Variants in SRP72 observed in about 807,000 individuals in gnomAD.
SRP72 encodes signal recognition particle subunit SRP72.
Under a neutral mutation model 96.3 loss-of-function variants are expected in SRP72, and 49 were observed. That is an observed-to-expected ratio of 0.51 (90% CI 0.40 to 0.65). SRP72 has a LOEUF of 0.65. SRP72 is among the 30% of genes least tolerant of loss of function. The pLI is 0.00. For missense variants in SRP72, 736 were observed against 793.3 expected, an observed-to-expected ratio of 0.93 and a Z score of 0.87; for synonymous variants, 267 against 275.2, an observed-to-expected ratio of 0.97 and a Z score of 0.30.
At chr4:56,494,739 A>C (rs1457377656) in intron 16 of SRP72, among the ~76,000 whole-genome samples, 1 of 152,068 alleles carries the variant, frequency 6.6e-6, no homozygotes, top group African/African-American at 2.4e-5. Context: ...TTGAAGTGTT[A>C]ATTTTTATGC....
intron 17 of SRP72, among the ~76,000 whole-genome samples, chr4:56,495,646 A>G (rs962439312): frequency 6.6e-6 from 1 of 152,202 alleles, no homozygotes; most frequent in African/African-American, 2.4e-5. Context: ...TACCTGCCAG[A>G]GTTTTTCATA....
chr4:56,474,036 T>A lies in SRP72; in HGVS notation c.355-18T>A, dbSNP rs776932521. On this transcript the variant is annotated intron_variant, in intron 3 of 18. Transcript: ENST00000642900. ...ACCATATTTGTCTCTGATTTTTTAC[T>A]TGCTATTTATTATTCAGTTATACCG... The A allele has an allele frequency of 1.9e-6, 3 of 1,598,708 alleles. No individual in the cohort carries two copies. The South Asian group carries it at 3.4e-5, about 18-fold the overall frequency.
rs934210566 is a variant in SRP72, at chr4:56,486,358, G to A, written c.1120G>A (p.Glu374Lys). 2 of 1,605,832 alleles carry A rather than the reference G, an allele frequency of 1.2e-6. No homozygotes were observed. The highest frequency in any genetic ancestry group is 1.7e-5 in the Admixed American group (1 of 59,626). Residue 374 changes from glutamate (E) to lysine (K), a missense_variant, in exon 11 of 19, where the codon GAA becomes AAA. Glu to Lys is a moderately conservative substitution (Grantham distance 56, BLOSUM62 1). Around this residue, in one of 3 missense-constraint regions of SRP72, gnomAD observed 388 missense variants for 431.8 expected, o/e 0.90. Coordinates refer to ENST00000642900, the MANE Select transcript of SRP72 (RefSeq NM_006947.4). The stretch of plus-strand genomic sequence containing the variant: ...AGATCAGCATCCAGAAAATGCAGCT[G>A]AAATTAAGCTGACCATGGCACAGTT... The part of the protein sequence containing the change: ...FSDQHPENAA[E>K]IKLTMAQLKI...
intron 11 of SRP72, among the ~76,000 whole-genome samples, chr4:56,486,743 G>C (rs777710959): frequency 6.6e-6 from 1 of 152,092 alleles, no homozygotes; most frequent in East Asian, 1.9e-4. Context: ...ATATTTGTAC[G>C]ACTACTTTGC....
Position 56,467,976 on chromosome 4 carries a change from C to G in SRP72, c.109+232C>G, listed in dbSNP as rs66858948. 0.19 allele frequency among the ~76,000 whole-genome samples: 28,988 copies of G among 152,260 alleles called. 3,187 individuals carry two copies. The highest frequency in any genetic ancestry group is 0.35 in the Admixed American group (5,338 of 15,296). ...GTTGCTTACAGCCACGTGTACTTCT[C>G]TTTTTACCCTCCGCGGGAAGCGAGG... On this transcript the variant is annotated intron_variant, in intron 1 of 18. Transcript: ENST00000642900.
intron 17 of SRP72, among the ~76,000 whole-genome samples, chr4:56,498,692 A>G (rs558423796): frequency 6.6e-6 from 1 of 152,306 alleles, no homozygotes; most frequent in Admixed American, 6.5e-5. Flanking sequence ...AGAATAAAAT[A>G]CCTAGGCATA....
chr4:56,495,915 G>C (rs1721061390), intron 17 of SRP72, among the ~76,000 whole-genome samples: 1 of 152,174 alleles, frequency 6.6e-6, no homozygotes, highest in African/African-American at 2.4e-5. Flanking sequence ...AATCCCATTA[G>C]AGTCATATGA....
chr4:56,468,425 T>C (rs997290529), intron 1 of SRP72, among the ~76,000 whole-genome samples: 1 of 152,204 alleles, frequency 6.6e-6, no homozygotes, highest in Admixed American at 6.5e-5. Flanking sequence ...TTTTACCGCC[T>C]TTGGTGTGAG....
At chr4:56,490,753 ATCC>A in intron 15 of SRP72, 108 bp downstream of exon 15, 1 of 949,954 alleles carries the variant, frequency 1.1e-6, no homozygotes, top group Non-Finnish European at 1.6e-6. Flanking sequence ...CAACTAACAA[ATCC>A]TCCTTTTAAC....
In SRP72 at chr4:56,469,705, C is replaced by T; in HGVS notation, c.162C>T (p.Cys54=). 1 of 1,612,622 alleles carries T rather than the reference C, an allele frequency of 6.2e-7. No individual in the cohort carries two copies. The change falls in exon 2 of 19, where the codon TGC becomes TGT. Residue 54 remains cysteine, a synonymous_variant. Coordinates refer to ENST00000642900, the MANE Select transcript of SRP72 (RefSeq NM_006947.4). ...CTGCCCTGCATTGTAAAGTGGTATG[C>T]CTTATCCAGAATGGAAGTTTCAAGG... ...DVTALHCKVV[C]LIQNGSFKEA... is the part of the protein sequence containing the mutation.
At chr4:56,482,888 T>G (rs1187507482) in intron 8 of SRP72, among the ~76,000 whole-genome samples, 1 of 152,192 alleles carries the variant, frequency 6.6e-6, no homozygotes, top group Non-Finnish European at 1.5e-5. Context: ...GAGAAGGCTT[T>G]AAAAGGAGTG....
rs746409282 is a variant in SRP72 at position 56,469,749 on chromosome 4, A to G, written c.206A>G (p.Asn69Ser). Residue 69 changes from asparagine to serine, a missense_variant, in exon 2 of 19, where the codon AAT becomes AGT. Asn to Ser is a conservative substitution (Grantham distance 46). Coordinates refer to ENST00000642900, the MANE Select transcript of SRP72 (RefSeq NM_006947.4). Reference sequence around the variant, plus strand: ...TTCAAGGAAGCTTTGAATGTCATCAATACTCACACCAAAGTGTTAGCCAAG... The same window carrying G: ...TTCAAGGAAGCTTTGAATGTCATCAGTACTCACACCAAAGTGTTAGCCAAG... Reference protein sequence around the residue: ...GSFKEALNVINTHTKVLANNS... With the variant: ...GSFKEALNVISTHTKVLANNS... 5 of 1,611,280 alleles carry G rather than the reference A, an allele frequency of 3.1e-6. No individual in the cohort carries two copies. Among genetic ancestry groups the G allele is most frequent in the African/African-American group, 1.3e-5 (1 of 74,910 alleles).
intron 2 of SRP72, among the ~76,000 whole-genome samples, chr4:56,470,632 T>C (rs1043700087): frequency 6.6e-6 from 1 of 152,176 alleles, no homozygotes; most frequent in Non-Finnish European, 1.5e-5. Flanking sequence ...TCTTTTTCTT[T>C]TTATATTTGA....
At position 56,490,428 on chromosome 4, in the gene SRP72, G is replaced by A. The variant is rs1440520135; in HGVS notation, c.1416G>A (p.Gln472=). ...AGGAGGCAATTAGTGACCTACAACA[G>A]CTGTGGAAGTAAGCTCTGAAACGTG... ...RKKEAISDLQ[Q]LWKQNPKDIH... The change falls in exon 14 of 19, where the codon CAG becomes CAA. Residue 472 remains glutamine, a synonymous_variant. Transcript: ENST00000642900. 1.2e-6 allele frequency: 2 copies of A among 1,613,608 alleles called. No homozygotes were observed. Among genetic ancestry groups the A allele is most frequent in the Admixed American group, 1.7e-5 (1 of 59,918 alleles).
At chr4:56,495,003 T>C (rs1349603335) in intron 16 of SRP72, among the ~76,000 whole-genome samples, 1 of 152,210 alleles carries the variant, frequency 6.6e-6, no homozygotes, top group Admixed American at 6.5e-5. Flanking sequence ...TTCTCTAAAG[T>C]CTTGCCAAAC....
intron 12 of SRP72, 36 bp from the exon 13 acceptor site, chr4:56,489,351 AG>A (rs1400173117): frequency 2.4e-6 from 3 of 1,240,718 alleles, no homozygotes; most frequent in Admixed American, 2.0e-5. Context: ...CTGGGAGTGA[AG>A]GGGGAGTTCA....
At chr4:56,490,271 A>T in intron 13 of SRP72, 62 bp from the exon 14 acceptor site, 1 of 1,309,950 alleles carries the variant, frequency 7.6e-7, no homozygotes, top group Non-Finnish European at 1.1e-6. Context: ...AATGAATATA[A>T]CTGCATGCAC....
chr4:56,475,026 G>A (rs1013738699), intron 5 of SRP72, among the ~76,000 whole-genome samples: 2 of 152,090 alleles, frequency 1.3e-5, no homozygotes, highest in African/African-American at 4.8e-5. Flanking sequence ...TTAGAGAACT[G>A]TGTCAGGTAT....
chr4:56,474,799 C>T (rs1053319900), intron 5 of SRP72, among the ~76,000 whole-genome samples: 2 of 152,172 alleles, frequency 1.3e-5, no homozygotes, highest in Non-Finnish European at 2.9e-5. Context: ...ATTCTTGTGC[C>T]TCAGCCTCCC....
Sources: allele counts gnomAD v4.1 joint callset (sites outside exome capture counted in the v4.1 genomes callset), GRCh38; gene constraint gnomAD v4.1.1; regional missense constraint gnomAD v4.1.1; transcripts MANE v1.5; gene names NCBI Gene and HGNC (gene_info 2026-07-23, HGNC 2026-07-21).